Variants in SV2B observed in about 807,000 individuals in gnomAD.
SV2B encodes solute carrier family 22 member B2.
Under a neutral mutation model 73.9 loss-of-function variants are expected in SV2B, and 41 were observed. The ratio of observed to expected loss-of-function variants is 0.56; its 90% CI spans 0.43 to 0.72. SV2B has a LOEUF of 0.72. Among genes scored for constraint, SV2B ranks in the 30% least tolerant of loss-of-function variants. The pLI, the probability that SV2B is intolerant of heterozygous loss-of-function variation, is 0.00. For missense variants in SV2B, 764 were observed against 857.8 expected, an observed-to-expected ratio of 0.89 and a Z score of 1.37; for synonymous variants, 314 against 314.2, an observed-to-expected ratio of 1.00 and a Z score of 0.01.
rs1407515385 is a variant in SV2B at position 91,231,935 on chromosome 15, A to C, written c.451+5221A>C. Among the ~76,000 whole-genome samples the C allele has an allele frequency of 6.6e-6, 1 of 152,250 alleles. No homozygotes were observed. Among genetic ancestry groups the C allele is most frequent in the Non-Finnish European group, 1.5e-5 (1 of 68,044 alleles). On this transcript the variant is annotated intron_variant, in intron 2 of 12. Coordinates refer to ENST00000394232, the MANE Select transcript of SV2B (RefSeq NM_001323032.3). The surrounding 1 kb of genome is among the most constrained non-coding windows in gnomAD (Gnocchi z 4.5). The stretch of plus-strand genomic sequence containing the variant: ...CAATGTCAGATGGGGCAGATTCATT[A>C]GAATAAATTGTGAGCTGAATTTTCA...
chr15:91,246,867 T>C (rs747324565), intron 2 of SV2B, among the ~76,000 whole-genome samples: 1 of 152,200 alleles, frequency 6.6e-6, no homozygotes, highest in Non-Finnish European at 1.5e-5. Context: ...TTGAGTGAAA[T>C]TGAGGGAAGA....
chr15:91,288,443 T>C lies in SV2B; in HGVS notation c.1709-1078T>C, dbSNP rs545707406. 1.3e-5 allele frequency among the ~76,000 whole-genome samples: 2 copies of C among 152,280 alleles called. No homozygotes were observed. The highest frequency in any genetic ancestry group is 4.8e-5 in the African/African-American group (2 of 41,558). ...TTACTCTCTTAGCAATTTTGAAATA[T>C]ACAATACATTGTTAGTAACTGTAGT... On this transcript the variant is annotated intron_variant, in intron 11 of 12. Coordinates refer to ENST00000394232, the MANE Select transcript of SV2B (RefSeq NM_001323032.3). The surrounding 1 kb of genome is among the most constrained non-coding windows in gnomAD (Gnocchi z 5.8).
rs1330973161 is a variant in SV2B, at chr15:91,115,698, G to T, written c.-392+15335G>T. On this transcript the variant is annotated intron_variant, in intron 1 of 12. Transcript: ENST00000394232. The surrounding 1 kb of genome is among the most constrained non-coding windows in gnomAD (Gnocchi z 4.3). ...GGCCTTCCTTATTTTTTTCTAAGGG[G>T]TTTCTAAGGGGTTCACATTTTTATA... is the stretch of plus-strand genomic sequence containing the variant. Among the ~76,000 whole-genome samples the T allele has an allele frequency of 1.3e-5, 2 of 151,964 alleles. No homozygotes were observed. The highest frequency in any genetic ancestry group is 2.4e-5 in the African/African-American group (1 of 41,372).
At position 91,232,077 on chromosome 15, in the gene SV2B, T is replaced by G. The variant is rs1183214938; in HGVS notation, c.451+5363T>G. On this transcript the variant is annotated intron_variant, in intron 2 of 12. Coordinates refer to ENST00000394232, the MANE Select transcript of SV2B (RefSeq NM_001323032.3). This position sits in a 1 kb window ranked among gnomAD's most constrained non-coding sequence, Gnocchi z 4.7. ...TAATATTTGATTTATGAGCCGTGTT[T>G]TCTTTAGGCCTAAATTCATTGTCAG... is the stretch of plus-strand genomic sequence containing the variant. Among the ~76,000 whole-genome samples the G allele has an allele frequency of 6.6e-6, 1 of 152,236 alleles. No homozygotes were observed. Among genetic ancestry groups the G allele is most frequent in the Non-Finnish European group, 1.5e-5 (1 of 68,046 alleles).
chr15:91,169,275 T>TTAG (rs1405456035), intron 1 of SV2B, among the ~76,000 whole-genome samples: 3 of 152,156 alleles, frequency 2.0e-5, no homozygotes, highest in Non-Finnish European at 4.4e-5. Context: ...AGTTCCAGGC[T>TTAG]TAGGCTTGTG....
chr15:91,194,428 G>A (rs1422396931), intron 1 of SV2B, among the ~76,000 whole-genome samples: 1 of 152,226 alleles, frequency 6.6e-6, no homozygotes, highest in Non-Finnish European at 1.5e-5. Context: ...TCAAGCTACT[G>A]TGAACATTCT....
Position 91,294,383 on chromosome 15 carries a change from C to T in SV2B, c.*1831C>T, listed in dbSNP as rs1430237888. 1 of 152,060 alleles carries T rather than the reference C, an allele frequency of 6.6e-6. No individual in the cohort carries two copies. Among genetic ancestry groups the T allele is most frequent in the Non-Finnish European group, 1.5e-5 (1 of 68,000 alleles). The allele number at this position is 152,060 out of a possible 1,614,324, so 9.4% of individuals were successfully genotyped here. On this transcript the variant is annotated 3_prime_UTR_variant, in exon 13 of 13. Coordinates refer to ENST00000394232, the MANE Select transcript of SV2B (RefSeq NM_001323032.3). The surrounding 1 kb of genome is among the most constrained non-coding windows in gnomAD (Gnocchi z 4.1). ...CTGTCAACCCTCACCTTTTTATTTA[C>T]ACCCCTCCCTTTTTTTCTGTACAGG...
intron 9 of SV2B, among the ~76,000 whole-genome samples, chr15:91,276,834 TA>T (rs2048508866): frequency 6.7e-6 from 1 of 150,356 alleles, no homozygotes. Flanking sequence ...TTATTATTAT[TA>T]TTTGAGACAG....
rs2042008998 is a variant in SV2B at position 91,110,612 on chromosome 15, C to T, written c.-392+10249C>T. Among the ~76,000 whole-genome samples, 1 of 152,166 alleles carries T rather than the reference C, an allele frequency of 6.6e-6. No homozygotes were observed. Among genetic ancestry groups the T allele is most frequent in the South Asian group, 2.1e-4 (1 of 4,822 alleles). ...GCGCCGAGGAATGGAGCCCAGCTGG[C>T]ACGTGGGAGGCTCTGCGGGAGAGGA... On this transcript the variant is annotated intron_variant, in intron 1 of 12. Coordinates refer to ENST00000394232, the MANE Select transcript of SV2B (RefSeq NM_001323032.3). This position sits in a 1 kb window ranked among gnomAD's most constrained non-coding sequence, Gnocchi z 5.4.
At position 91,214,703 on chromosome 15, in the gene SV2B, A is replaced by G. The variant is rs74499851; in HGVS notation, c.-391-11170A>G. 6.5e-3 allele frequency among the ~76,000 whole-genome samples: 988 copies of G among 152,330 alleles called. 12 individuals are homozygous for G. The highest frequency in any genetic ancestry group is 0.023 in the African/African-American group (960 of 41,584). ...AAATCAAAACGAAGTAGGATTGGCA[A>G]GCTGCCCATAATTGGTCTTTGTTAG... On this transcript the variant is annotated intron_variant, in intron 1 of 12. Coordinates refer to ENST00000394232, the MANE Select transcript of SV2B (RefSeq NM_001323032.3). The surrounding 1 kb of genome is among the most constrained non-coding windows in gnomAD (Gnocchi z 4.7).
At position 91,197,668 on chromosome 15, in the gene SV2B, C is replaced by T. The variant is rs2141373054; in HGVS notation, c.-391-28205C>T. On this transcript the variant is annotated intron_variant, in intron 1 of 12. Transcript: ENST00000394232. The surrounding 1 kb of genome is among the most constrained non-coding windows in gnomAD (Gnocchi z 4.9). The stretch of plus-strand genomic sequence containing the variant: ...AGTTCAGCTACATTAATTACAACTC[C>T]ATACATGTTACAGCAAAATCTCTAA... Among the ~76,000 whole-genome samples, 1 of 152,246 alleles carries T rather than the reference C, an allele frequency of 6.6e-6. No homozygotes were observed. Among genetic ancestry groups the T allele is most frequent in the Non-Finnish European group, 1.5e-5 (1 of 68,012 alleles).
chr15:91,201,731 A>G (rs1276385037), intron 1 of SV2B, among the ~76,000 whole-genome samples: 1 of 152,138 alleles, frequency 6.6e-6, no homozygotes, highest in Non-Finnish European at 1.5e-5. Context: ...CACATCTTTT[A>G]TCGGATCCAT....
At chr15:91,257,762 G>C (rs1387517007) in intron 4 of SV2B, among the ~76,000 whole-genome samples, 1 of 152,120 alleles carries the variant, frequency 6.6e-6, no homozygotes, top group Non-Finnish European at 1.5e-5. Flanking sequence ...CTTCCCATAA[G>C]GCAAGGCATC....
chr15:91,230,072 T>C (rs2046516664), intron 2 of SV2B, among the ~76,000 whole-genome samples: 1 of 151,866 alleles, frequency 6.6e-6, no homozygotes, highest in Admixed American at 6.6e-5. Flanking sequence ...GAAACCCGTG[T>C]CTACAAAATA....
Position 91,267,369 on chromosome 15 carries a change from G to T in SV2B, c.1120-186G>T, listed in dbSNP as rs963463914. On this transcript the variant is annotated intron_variant, in intron 7 of 12. Coordinates refer to ENST00000394232, the MANE Select transcript of SV2B (RefSeq NM_001323032.3). This position sits in a 1 kb window ranked among gnomAD's most constrained non-coding sequence, Gnocchi z 4.3. ...GACTGTTAGAGTATGAGGCCAGCCAGTAGGAAGAGAAGAGGCTTTCCTTGT... is the reference window on the plus strand; with the variant it reads ...GACTGTTAGAGTATGAGGCCAGCCATTAGGAAGAGAAGAGGCTTTCCTTGT... 6.6e-6 allele frequency among the ~76,000 whole-genome samples: 1 copy of T among 152,230 alleles called. No homozygotes were observed. The highest frequency in any genetic ancestry group is 2.4e-5 in the African/African-American group (1 of 41,452).
At chr15:91,277,483 T>C (rs1226313649) in intron 9 of SV2B, among the ~76,000 whole-genome samples, 1 of 152,254 alleles carries the variant, frequency 6.6e-6, no homozygotes, top group Non-Finnish European at 1.5e-5. Context: ...TGCCATTTTG[T>C]GGTCAGCCCT....
intron 5 of SV2B, among the ~76,000 whole-genome samples, chr15:91,259,110 A>G (rs1031868243): frequency 8.0e-6 from 1 of 125,100 alleles, no homozygotes; most frequent in Non-Finnish European, 1.6e-5. Flanking sequence ...AAATAAAAAT[A>G]TAAATAAATA....
rs1596623748 is a variant in SV2B at position 91,226,197 on chromosome 15, C to G, written c.-67C>G. 1.5e-5 allele frequency: 22 copies of G among 1,491,290 alleles called. No homozygotes were observed. Among genetic ancestry groups the G allele is most frequent in the Non-Finnish European group, 2.0e-5 (22 of 1,083,878 alleles). 92.4% of individuals were successfully genotyped at this position (1,491,290 alleles called of 1,614,324 possible). A position where few individuals can be genotyped will look rare whatever the true frequency, so the allele number is the denominator to read the frequency against. ...TAATGAATGATGGTTATTGAAATAG[C>G]CCAAACCTCTACCACAGAGCGAGGG... is the stretch of plus-strand genomic sequence containing the variant. On this transcript the variant is annotated 5_prime_UTR_variant, in exon 2 of 13. Transcript: ENST00000394232.
rs140617996 is a variant in SV2B at position 91,107,297 on chromosome 15, G to GTTTGTTTATTTATTTATTTATTTA, written c.-392+6937_-392+6938insGTTTATTTATTTATTTATTTATTT. ...TCAGACTTCATTACTTTATTTGTTTGTTTATTTATTTATTTATTTATTTAT... is the reference window on the plus strand; with the variant it reads ...TCAGACTTCATTACTTTATTTGTTTGTTTGTTTATTTATTTATTTATTTATTTATTTATTTATTTATTTATTTAT... On this transcript the variant is annotated intron_variant, in intron 1 of 12. Coordinates refer to ENST00000394232, the MANE Select transcript of SV2B (RefSeq NM_001323032.3). Among the ~76,000 whole-genome samples, 503 of 145,838 alleles carry GTTTGTTTATTTATTTATTTATTTA rather than the reference G, an allele frequency of 3.4e-3. 4 individuals carry two copies. The highest frequency in any genetic ancestry group is 7.2e-3 in the South Asian group (33 of 4,576).
Sources: gnomAD v4.1 joint callset for allele counts (sites outside exome capture counted in the v4.1 genomes callset) on GRCh38, gnomAD v4.1.1 for gene constraint, Gnocchi (gnomAD v3.1) non-coding constraint, MANE v1.5 for transcripts, NCBI Gene and HGNC (gene_info 2026-07-23, HGNC 2026-07-21) for gene names.